SEMA3F: variants seen among roughly 807,000 people sequenced by gnomAD.
SEMA3F encodes semaphorin 3F.
In SEMA3F, 30 loss-of-function variants were observed where a neutral mutation model predicts 98.5. The observed-to-expected ratio is 0.30, with a 90% CI of 0.23 to 0.41. The LOEUF (loss-of-function observed/expected upper bound fraction) is 0.41, where lower values mean the gene tolerates loss of function less well. SEMA3F is among the 10% of genes least tolerant of loss of function. The pLI, the probability that SEMA3F is intolerant of heterozygous loss-of-function variation, is 1.00. For synonymous variants in SEMA3F, 380 were observed against 444.8 expected (o/e 0.85, Z 1.83); for missense variants, 866 against 1,119.3 (o/e 0.77, Z 3.23).
At chr3:50,160,081 C>T (rs1268039554) in intron 2 of SEMA3F, among the ~76,000 whole-genome samples, 1 of 152,190 alleles carries the variant, frequency 6.6e-6, no homozygotes, top group East Asian at 1.9e-4. Flanking sequence ...TGCTGCGGCC[C>T]CTCCTTGCCA....
rs1417671122 is a variant in SEMA3F, at chr3:50,173,820, T to A, written c.140T>A (p.Phe47Tyr). 9 of 1,613,858 alleles carry A rather than the reference T, an allele frequency of 5.6e-6. No homozygotes were observed. The highest frequency in any genetic ancestry group is 5.0e-5 in the Admixed American group (3 of 59,990). ...KELKATGTAH[F>Y]FNFLLNTTDY... ...CTGAAGGCCACAGGCACCGCCCACT[T>A]CTTCAACTTCCTGCTCAACACAACC... The change falls in exon 3 of 19, where the codon TTC (phenylalanine) becomes TAC (tyrosine). Residue 47 changes from phenylalanine (F) to tyrosine (Y), a missense_variant. Physicochemically the swap from Phe to Tyr is conservative, Grantham distance 22. This residue lies in a region of SEMA3F where 247 missense variants were observed against 276.0 expected (regional missense o/e 0.89). Transcript: ENST00000002829.
intron 10 of SEMA3F, 81 bp from the exon 11 acceptor site, chr3:50,183,105 C>T: frequency 2.6e-6 from 4 of 1,561,092 alleles, no homozygotes; most frequent in Non-Finnish European, 2.6e-6. Flanking sequence ...TTTGGTGGGC[C>T]CCCTCCCCTG....
chr3:50,183,402 C>T lies in SEMA3F; in HGVS notation c.1089-18C>T, dbSNP rs767416784. On this transcript the variant is annotated intron_variant, in intron 11 of 18. Transcript: ENST00000002829. ...GTGGAGGGTCTGTCCTGCTCAGCAG[C>T]GCCTGCCATGCCCACAGCTCCGTGT... is the stretch of plus-strand genomic sequence containing the variant. The T allele has an allele frequency of 9.3e-6, 15 of 1,613,292 alleles. No individual in the cohort carries two copies. The highest frequency in any genetic ancestry group is 4.5e-5 in the East Asian group (2 of 44,878).
At chr3:50,179,797 C>T (rs962955534) in intron 7 of SEMA3F, among the ~76,000 whole-genome samples, 1 of 152,210 alleles carries the variant, frequency 6.6e-6, no homozygotes, top group Non-Finnish European at 1.5e-5. Context: ...CATGAACCAG[C>T]CTCCGCTGGT....
intron 16 of SEMA3F, 68 bp from the exon 17 acceptor site, chr3:50,186,213 A>T: frequency 6.5e-7 from 1 of 1,545,290 alleles, no homozygotes; most frequent in Non-Finnish European, 8.9e-7. Flanking sequence ...CCCTGGAGTC[A>T]GGGAGATACA....
intron 2 of SEMA3F, among the ~76,000 whole-genome samples, chr3:50,168,913 C>T (rs375312414): frequency 1.3e-5 from 2 of 152,190 alleles, no homozygotes; most frequent in African/African-American, 4.8e-5. Flanking sequence ...CCCTTGTCCC[C>T]CAGTCCCATC....
In SEMA3F at chr3:50,186,713, G is replaced by C. The variant is rs527431828; in HGVS notation, c.1914G>C (p.Leu638=). ...PRSPQATVKW[L]FQRDPGDRRR... ...CGCCCCAAGCCACTGTTAAGTGGCT[G>C]TTCCAGCGAGATCCTGGTGACCGGC... Residue 638 remains leucine (L), a synonymous_variant, in exon 18 of 19, where the codon CTG becomes CTC. Transcript: ENST00000002829. The C allele has an allele frequency of 9.3e-6, 15 of 1,607,894 alleles. No individual in the cohort carries two copies. Among genetic ancestry groups the C allele is most frequent in the Middle Eastern group, 1.7e-4 (1 of 6,040 alleles).
In SEMA3F at chr3:50,173,848, C is replaced by G; in HGVS notation, c.168C>G (p.Asp56Glu). Residue 56 changes from aspartate to glutamate, a missense_variant, in exon 3 of 19, where the codon GAC becomes GAG. Coordinates refer to ENST00000002829, the MANE Select transcript of SEMA3F (RefSeq NM_004186.5). ...TCAACTTCCTGCTCAACACAACCGA[C>G]TACCGAATCTTGCTCAAGGACGAGG... Reference protein sequence around the residue: ...HFFNFLLNTTDYRILLKDEDH... With the variant: ...HFFNFLLNTTEYRILLKDEDH... 1 of 1,614,172 alleles carries G rather than the reference C, an allele frequency of 6.2e-7. No homozygotes were observed. Among genetic ancestry groups the G allele is most frequent in the East Asian group, 2.2e-5 (1 of 44,872 alleles).
intron 2 of SEMA3F, 39 bp from the exon 3 acceptor site, chr3:50,173,754 C>T (rs1575392652): frequency 6.3e-7 from 1 of 1,599,010 alleles, no homozygotes. Flanking sequence ...TGGATGGTTT[C>T]CTGAAGGTCC....
chr3:50,180,221 C>T (rs13085567), intron 7 of SEMA3F, among the ~76,000 whole-genome samples: 67,774 of 151,794 alleles, frequency 0.45, 16,824 homozygotes, highest in South Asian at 0.73. Flanking sequence ...ATGATCTTGG[C>T]TCACTGCAAC....
intron 7 of SEMA3F, among the ~76,000 whole-genome samples, chr3:50,180,425 G>C (rs1208943796): frequency 6.6e-6 from 1 of 152,164 alleles, no homozygotes; most frequent in Non-Finnish European, 1.5e-5. Flanking sequence ...CAAAGTGCTA[G>C]GATTACAGGC....
At chr3:50,174,667 C>T (rs987645682) in intron 5 of SEMA3F, among the ~76,000 whole-genome samples, 2 of 152,354 alleles carry the variant, frequency 1.3e-5, no homozygotes, top group African/African-American at 2.4e-5. Context: ...GACCGTGCCC[C>T]GACGGCCGAG....
chr3:50,186,179 C>T (rs1280266283), intron 16 of SEMA3F, 102 bp from the exon 17 acceptor site: 4 of 1,472,826 alleles, frequency 2.7e-6, no homozygotes, highest in Non-Finnish European at 3.7e-6. Flanking sequence ...TAAGACATCA[C>T]TGCCCTGGGG....
chr3:50,183,291 T>TG, intron 11 of SEMA3F, 36 bp downstream of exon 11: 1 of 1,609,586 alleles, frequency 6.2e-7, no homozygotes, highest in Non-Finnish European at 8.5e-7. Flanking sequence ...TGGCAGGGAG[T>TG]GGCCCCGTTG....
intron 2 of SEMA3F, among the ~76,000 whole-genome samples, chr3:50,172,434 T>A (rs1457746290): frequency 6.6e-6 from 1 of 152,034 alleles, no homozygotes; most frequent in Non-Finnish European, 1.5e-5. Flanking sequence ...TTCCCAAGCT[T>A]CTAGGAGTCC....
chr3:50,159,748 T>C lies in SEMA3F; in HGVS notation c.112+14T>C, dbSNP rs574962261. On this transcript the variant is annotated intron_variant, in intron 2 of 18. Transcript: ENST00000002829. ...TCTCATTCAAAGGTAAGAAGCTGTT[T>C]TGTTCTTCCCCAGAAATCATCCTCT... 1 of 1,534,012 alleles carries C rather than the reference T, an allele frequency of 6.5e-7. No individual in the cohort carries two copies. Among genetic ancestry groups the C allele is most frequent in the Non-Finnish European group, 9.0e-7 (1 of 1,108,974 alleles).
rs918696689 is a variant in SEMA3F at position 50,156,770 on chromosome 3, G to A, written c.-49+1206G>A. Among the ~76,000 whole-genome samples, 4 of 152,174 alleles carry A rather than the reference G, an allele frequency of 2.6e-5. No individual in the cohort carries two copies. The highest frequency in any genetic ancestry group is 5.9e-5 in the Non-Finnish European group (4 of 68,010). ...GCCCGGAAGTGGGGAGGTGGGGGCC[G>A]GAGAGAAAGCAGGGGCCAGAGAGAA... On this transcript the variant is annotated intron_variant, in intron 1 of 18. Coordinates refer to ENST00000002829, the MANE Select transcript of SEMA3F (RefSeq NM_004186.5). This position sits in a 1 kb window ranked among gnomAD's most constrained non-coding sequence, Gnocchi z 4.5.
At chr3:50,160,459 C>G (rs908049905) in intron 2 of SEMA3F, among the ~76,000 whole-genome samples, 1 of 152,198 alleles carries the variant, frequency 6.6e-6, no homozygotes, top group South Asian at 2.1e-4. Context: ...ACCCACTGGA[C>G]AGGTGCACGC....
rs1423159183 is a variant in SEMA3F, at chr3:50,181,168, A to G, written c.644-1116A>G. ...AATGGTGCTAACAGACTTGCTTGAC[A>G]CAGGGTTGCCACAAACCTTCCTTCT... On this transcript the variant is annotated intron_variant, in intron 7 of 18. Coordinates refer to ENST00000002829, the MANE Select transcript of SEMA3F (RefSeq NM_004186.5). Among the ~76,000 whole-genome samples, 3 of 152,182 alleles carry G rather than the reference A, an allele frequency of 2.0e-5. No individual in the cohort carries two copies. In the East Asian group the frequency reaches 5.8e-4, roughly 29 times the overall value.
Sources: allele counts gnomAD v4.1 joint callset (sites outside exome capture counted in the v4.1 genomes callset), GRCh38; gene constraint gnomAD v4.1.1; regional missense constraint gnomAD v4.1.1; non-coding constraint Gnocchi (gnomAD v3.1); transcripts MANE v1.5; gene names NCBI Gene and HGNC (gene_info 2026-07-23, HGNC 2026-07-21).